Variants in SESN3 observed in about 807,000 individuals in gnomAD.
SESN3 encodes sestrin 3.
SESN3 carries 21 observed loss-of-function variants against 55.3 expected under a neutral mutation model. The observed-to-expected ratio is 0.38, with a 90% CI of 0.27 to 0.55. SESN3 has a LOEUF of 0.55. Among genes scored for constraint, SESN3 ranks in the 20% least tolerant of loss-of-function variants. SESN3 has a pLI of 0.76. For synonymous variants in SESN3, 181 were observed against 203.1 expected, an observed-to-expected ratio of 0.89 and a Z score of 0.93; for missense variants, 408 against 604.3, an observed-to-expected ratio of 0.68 and a Z score of 3.41.
intron 4 of SESN3, among the ~76,000 whole-genome samples, chr11:95,186,241 T>TGTGTGTGTGTGTGTGG (rs1209278155): frequency 2.2e-5 from 3 of 136,286 alleles, no homozygotes; most frequent in Non-Finnish European, 3.2e-5. Flanking sequence ...TGTGTGTGTG[T>TGTGTGTGTGTGTGTGG]GGTGTATGTA....
intron 1 of SESN3, among the ~76,000 whole-genome samples, chr11:95,214,925 T>G (rs1860724316): frequency 6.6e-6 from 1 of 152,156 alleles, no homozygotes; most frequent in Non-Finnish European, 1.5e-5. Flanking sequence ...TTCCCCAAGC[T>G]AAAGTTCAGA....
At chr11:95,194,296 CT>C (rs1412649275) in intron 1 of SESN3, among the ~76,000 whole-genome samples, 1 of 152,022 alleles carries the variant, frequency 6.6e-6, no homozygotes, top group Non-Finnish European at 1.5e-5. Context: ...TAACCTGAGT[CT>C]TTTTTGGTCC....
chr11:95,182,223 G>A (rs1249580487), intron 6 of SESN3: 1 of 261,716 alleles, frequency 3.8e-6, no homozygotes, highest in Middle Eastern at 6.0e-4. Flanking sequence ...TGATCTTAAT[G>A]AAGCTCTTAA....
At chr11:95,219,327 GT>G (rs1157264806) in intron 1 of SESN3, among the ~76,000 whole-genome samples, 2 of 151,280 alleles carry the variant, frequency 1.3e-5, no homozygotes, top group African/African-American at 2.4e-5. Flanking sequence ...TTAGTTTTAA[GT>G]TTTTTTTTCT....
chr11:95,214,589 T>C (rs976311067), intron 1 of SESN3, among the ~76,000 whole-genome samples: 4 of 151,928 alleles, frequency 2.6e-5, no homozygotes, highest in African/African-American at 9.7e-5. Context: ...TAAGCTACTA[T>C]AGGTGAAAGA....
intron 4 of SESN3, among the ~76,000 whole-genome samples, chr11:95,186,808 TAAAG>T (rs746664781): frequency 2.0e-5 from 3 of 151,716 alleles, no homozygotes; most frequent in Non-Finnish European, 2.9e-5. Flanking sequence ...ATAATGTAAA[TAAAG>T]AGGGTCATTA....
chr11:95,206,114 G>C (rs1427398492), intron 1 of SESN3, among the ~76,000 whole-genome samples: 3 of 151,858 alleles, frequency 2.0e-5, no homozygotes, highest in Admixed American at 1.3e-4. Context: ...ATGATGCCTG[G>C]TATCATTTTG....
intron 1 of SESN3, chr11:95,224,334 T>C (rs1565477188): frequency 7.6e-5 from 26 of 343,112 alleles, no homozygotes; most frequent in Middle Eastern, 6.2e-4. Context: ...ATTTTACCCA[T>C]ATATGATTCT....
intron 8 of SESN3, among the ~76,000 whole-genome samples, 196 bp downstream of exon 8, chr11:95,177,523 A>G (rs1326219389): frequency 1.3e-5 from 2 of 152,292 alleles, no homozygotes; most frequent in East Asian, 1.9e-4. Context: ...CACTATATTT[A>G]CATGTGCATC....
intron 1 of SESN3, among the ~76,000 whole-genome samples, chr11:95,203,034 A>G (rs1484183706): frequency 6.6e-6 from 1 of 152,110 alleles, no homozygotes; most frequent in Non-Finnish European, 1.5e-5. Flanking sequence ...GTTGATAGTT[A>G]CTAGTACTTT....
intron 2 of SESN3, 46 bp from the exon 3 acceptor site, chr11:95,191,647 C>A (rs762264117): frequency 6.8e-7 from 1 of 1,466,184 alleles, no homozygotes; most frequent in Non-Finnish European, 9.5e-7. Context: ...GAGACATAAA[C>A]ACACCCTTGG....
chr11:95,201,791 A>T (rs1860464723), intron 1 of SESN3, among the ~76,000 whole-genome samples: 1 of 152,120 alleles, frequency 6.6e-6, no homozygotes, highest in Non-Finnish European at 1.5e-5. Flanking sequence ...GCAAGTGACA[A>T]AGAACACACT....
chr11:95,220,378 A>G (rs955926882), intron 1 of SESN3, among the ~76,000 whole-genome samples: 2 of 152,196 alleles, frequency 1.3e-5, no homozygotes, highest in Non-Finnish European at 2.9e-5. Context: ...AAATGATTCA[A>G]TGTTATTGAA....
At chr11:95,197,303 C>T (rs867198216) in intron 1 of SESN3, among the ~76,000 whole-genome samples, 1 of 152,116 alleles carries the variant, frequency 6.6e-6, no homozygotes, top group Admixed American at 6.6e-5. Context: ...CACCATTCTA[C>T]CTTTTGCTTT....
At chr11:95,232,278 C>A (rs1256510631), upstream of SESN3, 1 of 152,252 alleles carries the variant, frequency 6.6e-6, no homozygotes, top group Non-Finnish European at 1.5e-5. Context: ...GGTAGGGGAG[C>A]CAGGTCTCCC....
rs562437118 is a variant in SESN3, at chr11:95,230,136, GTCT to G, written c.78+644_78+646del. ...GGAGGAATAACCCACATCCACCTCA[GTCT>G]TCTCCTCCCCCAACCCCAGCCTCAG... On this transcript the variant is annotated intron_variant, in intron 1 of 9. Coordinates refer to ENST00000536441, the MANE Select transcript of SESN3 (RefSeq NM_144665.4). This position sits in a 1 kb window ranked among gnomAD's most constrained non-coding sequence, Gnocchi z 4.6. 4.2e-3 allele frequency: 559 copies of G among 133,666 alleles called. 4 individuals carry two copies. The highest frequency in any genetic ancestry group is 0.025 in the Middle Eastern group (6 of 242). 8.3% of individuals were successfully genotyped at this position (133,666 alleles called of 1,614,324 possible).
At chr11:95,218,810 C>A (rs2134264275) in intron 1 of SESN3, among the ~76,000 whole-genome samples, 1 of 152,272 alleles carries the variant, frequency 6.6e-6, no homozygotes, top group South Asian at 2.1e-4. Flanking sequence ...ACCACCAAGC[C>A]CGCTAATTTT....
At position 95,185,413 on chromosome 11, in the gene SESN3, G is replaced by A; in HGVS notation, c.605C>T (p.Ala202Val). 1 of 1,613,234 alleles carries A rather than the reference G, an allele frequency of 6.2e-7. No individual in the cohort carries two copies. The highest frequency in any genetic ancestry group is 8.5e-7 in the Non-Finnish European group (1 of 1,179,408). Reference sequence around the variant, plus strand: ...ACTACCAAAAACAAAGCTTGCCAAAGCATGATAATGTGCCAGGAGGACCAC... The same window carrying A: ...ACTACCAAAAACAAAGCTTGCCAAAACATGATAATGTGCCAGGAGGACCAC... ...HAVVLLAHYH[A>V]LASFVFGSGI... is the part of the protein sequence containing the mutation. The change falls in exon 5 of 10, where the codon GCT becomes GTT. Residue 202 changes from alanine (A) to valine (V), a missense_variant. Ala to Val is a moderately conservative substitution (Grantham distance 64). Around this residue, in one of 4 missense-constraint regions of SESN3, gnomAD observed 107 missense variants for 211.3 expected, o/e 0.51. Coordinates refer to ENST00000536441, the MANE Select transcript of SESN3 (RefSeq NM_144665.4).
rs1859852415 is a variant in SESN3 at position 95,171,712 on chromosome 11, T to C, written c.*1543A>G. The C allele has an allele frequency of 6.6e-6, 1 of 152,188 alleles. No individual in the cohort carries two copies. Among genetic ancestry groups the C allele is most frequent in the Non-Finnish European group, 1.5e-5 (1 of 68,002 alleles). 9.4% of individuals were successfully genotyped at this position (152,188 alleles called of 1,614,324 possible). A position where few individuals can be genotyped will look rare whatever the true frequency, so the allele number is the denominator to read the frequency against. ...AAGTTTTCAAAAATTAGCATGTATGTGTACAATTCAAGTCACCCTTAACTA... is the reference window on the plus strand; with the variant it reads ...AAGTTTTCAAAAATTAGCATGTATGCGTACAATTCAAGTCACCCTTAACTA... On this transcript the variant is annotated 3_prime_UTR_variant, in exon 10 of 10. Coordinates refer to ENST00000536441, the MANE Select transcript of SESN3 (RefSeq NM_144665.4).
Sources: allele counts gnomAD v4.1 joint callset (sites outside exome capture counted in the v4.1 genomes callset), GRCh38; gene constraint gnomAD v4.1.1; regional missense constraint gnomAD v4.1.1; non-coding constraint Gnocchi (gnomAD v3.1); transcripts MANE v1.5; gene names NCBI Gene and HGNC (gene_info 2026-07-23, HGNC 2026-07-21).